CAMK2D: variants seen among roughly 807,000 people sequenced by gnomAD.
The protein encoded by CAMK2D is calcium/calmodulin-dependent protein kinase type II subunit delta.
In CAMK2D, 37 loss-of-function variants were observed where a neutral mutation model predicts 84.0. The observed-to-expected ratio is 0.44, with a 90% CI of 0.34 to 0.58. The LOEUF is 0.58. Among genes scored for constraint, CAMK2D ranks in the 20% least tolerant of loss-of-function variants. The pLI is 0.02. For synonymous variants in CAMK2D, 202 were observed against 212.5 expected, an observed-to-expected ratio of 0.95 and a Z score of 0.43; for missense variants, 448 against 652.5, an observed-to-expected ratio of 0.69 and a Z score of 3.41.
chr4:113,761,194 G>C lies in CAMK2D; in HGVS notation c.-126C>G. 1 of 1,489,224 alleles carries C rather than the reference G, an allele frequency of 6.7e-7. No individual in the cohort carries two copies. Among genetic ancestry groups the C allele is most frequent in the South Asian group, 1.1e-5 (1 of 87,762 alleles). 92.3% of individuals were successfully genotyped at this position (1,489,224 alleles called of 1,614,324 possible). On this transcript the variant is annotated 5_prime_UTR_variant, in exon 1 of 21. Transcript: ENST00000511664. ...CCGCTCTTACTTTCCTGGTCCGAAA[G>C]TAGCTCGCCCGCGAGGGAGTGTGCG...
At chr4:113,729,409 T>C (rs974765684) in intron 2 of CAMK2D, among the ~76,000 whole-genome samples, 1 of 152,176 alleles carries the variant, frequency 6.6e-6, no homozygotes, top group Non-Finnish European at 1.5e-5. Flanking sequence ...CCTCACTAAG[T>C]GAACATGAAC....
At chr4:113,474,448 G>C (rs1395916949) in intron 16 of CAMK2D, among the ~76,000 whole-genome samples, 1 of 146,782 alleles carries the variant, frequency 6.8e-6, no homozygotes, top group Non-Finnish European at 1.5e-5. Context: ...AAGAGACAAT[G>C]AGACCAATTA....
chr4:113,460,238 T>A lies in CAMK2D; in HGVS notation c.1215A>T (p.Lys405Asn). ...AAGCAGTAAGGCCTGGGTCACAGATTTTTCTGTAAAAGAAAAATAATGAAA... is the reference window on the plus strand; with the variant it reads ...AAGCAGTAAGGCCTGGGTCACAGATATTTCTGTAAAAGAAAAATAATGAAA... ...INNGDFEAYTKICDPGLTAFE... is the reference protein window; with the variant it reads ...INNGDFEAYTNICDPGLTAFE... The change falls in exon 18 of 21, where the codon AAA (lysine) becomes AAT (asparagine). Residue 405 changes from lysine to asparagine, a missense_variant. Around this residue, in one of 7 missense-constraint regions of CAMK2D, gnomAD observed 219 missense variants for 272.1 expected, o/e 0.80. Transcript: ENST00000511664. 1 of 1,574,804 alleles carries A rather than the reference T, an allele frequency of 6.3e-7. No homozygotes were observed. Among genetic ancestry groups the A allele is most frequent in the South Asian group, 1.1e-5 (1 of 87,752 alleles).
intron 4 of CAMK2D, among the ~76,000 whole-genome samples, chr4:113,606,024 C>T (rs1018445927): frequency 1.1e-4 from 17 of 151,876 alleles, no homozygotes; most frequent in East Asian, 5.8e-4. Flanking sequence ...TTATCTGATA[C>T]GGATTTTTAA....
chr4:113,542,964 C>T (rs529550317), intron 6 of CAMK2D, among the ~76,000 whole-genome samples: 2 of 152,262 alleles, frequency 1.3e-5, no homozygotes, highest in East Asian at 3.9e-4. Flanking sequence ...AGGCAGCATT[C>T]TCTGCCGAGG....
At chr4:113,455,050 A>C (rs2097289039) in intron 20 of CAMK2D, among the ~76,000 whole-genome samples, 1 of 152,220 alleles carries the variant, frequency 6.6e-6, no homozygotes. Flanking sequence ...TATTTGTTAA[A>C]AGCTCTGATA....
At chr4:113,712,941 C>T (rs865819378) in intron 2 of CAMK2D, among the ~76,000 whole-genome samples, 5 of 151,944 alleles carry the variant, frequency 3.3e-5, no homozygotes, top group Admixed American at 1.3e-4. Context: ...ATATGCAATA[C>T]TGTTTTCTGC....
intron 4 of CAMK2D, among the ~76,000 whole-genome samples, chr4:113,586,780 G>A (rs534773880): frequency 1.4e-4 from 21 of 152,114 alleles, no homozygotes; most frequent in Non-Finnish European, 2.6e-4. Context: ...TTACAGAAAA[G>A]CCTCTATCTA....
chr4:113,612,303 C>T (rs1042746908), intron 3 of CAMK2D, among the ~76,000 whole-genome samples: 1 of 152,212 alleles, frequency 6.6e-6, no homozygotes. Flanking sequence ...AAGTATCCTT[C>T]ATTTCCTATT....
chr4:113,513,780 C>T (rs767471601), intron 11 of CAMK2D, 50 bp downstream of exon 11: 1 of 834,826 alleles, frequency 1.2e-6, no homozygotes, highest in East Asian at 2.5e-5. Flanking sequence ...CAGTATTTCA[C>T]TTCTTAGTCT....
chr4:113,703,593 G>GCC lies in CAMK2D; in HGVS notation c.161-41822_161-41821insGG, dbSNP rs2099429578. On this transcript the variant is annotated intron_variant, in intron 2 of 20. Transcript: ENST00000511664. ...CAGCCTTGGCCTCCCAAAGTCTGAC[G>GCC]TGAGCCACCACGCCTGGCCAGGGAT... Among the ~76,000 whole-genome samples the GCC allele has an allele frequency of 3.9e-5, 6 of 152,326 alleles. No individual in the cohort carries two copies. The South Asian group carries it at 1.2e-3, about 32-fold the overall frequency.
At chr4:113,703,793 G>A (rs548041000) in intron 2 of CAMK2D, among the ~76,000 whole-genome samples, 1 of 152,204 alleles carries the variant, frequency 6.6e-6, no homozygotes, top group East Asian at 1.9e-4. Flanking sequence ...CACTACAACT[G>A]GATAAGAAGT....
intron 2 of CAMK2D, among the ~76,000 whole-genome samples, chr4:113,741,507 T>TAGGAAAA (rs1258474890): frequency 6.6e-6 from 1 of 152,160 alleles, no homozygotes; most frequent in African/African-American, 2.4e-5. Context: ...AAATACAGTA[T>TAGGAAAA]ATATAGTTTT....
At chr4:113,725,558 CA>C in intron 2 of CAMK2D, among the ~76,000 whole-genome samples, 1 of 152,094 alleles carries the variant, frequency 6.6e-6, no homozygotes, top group East Asian at 1.9e-4. Context: ...AAATAGTTCA[CA>C]AGTAGCTTCT....
At chr4:113,527,239 A>T (rs1046225102) in intron 8 of CAMK2D, among the ~76,000 whole-genome samples, 1 of 151,830 alleles carries the variant, frequency 6.6e-6, no homozygotes, top group Admixed American at 6.6e-5. Flanking sequence ...TCAGATGATG[A>T]TGATGATATT....
intron 1 of CAMK2D, 58 bp downstream of exon 1, chr4:113,760,946 A>AC: frequency 6.2e-7 from 1 of 1,610,032 alleles, no homozygotes; most frequent in Non-Finnish European, 8.5e-7. Context: ...GGTCGGGGGC[A>AC]ACGCGACCCG....
At chr4:113,480,206 G>A (rs1299466825) in intron 16 of CAMK2D, among the ~76,000 whole-genome samples, 3 of 151,944 alleles carry the variant, frequency 2.0e-5, no homozygotes, top group Non-Finnish European at 4.4e-5. Flanking sequence ...CAGGTAATCC[G>A]CCCGCCTCGG....
At chr4:113,673,644 A>G (rs1243254961) in intron 2 of CAMK2D, among the ~76,000 whole-genome samples, 2 of 152,242 alleles carry the variant, frequency 1.3e-5, no homozygotes, top group African/African-American at 4.8e-5. Context: ...CCAGTGACTC[A>G]GACTTGCCCA....
rs150342855 is a variant in CAMK2D, at chr4:113,684,181, C to A, written c.161-22409G>T. 9.8e-4 allele frequency among the ~76,000 whole-genome samples: 150 copies of A among 152,304 alleles called. 1 individual carries two copies. Among genetic ancestry groups the A allele is most frequent in the Non-Finnish European group, 1.8e-3 (122 of 68,030 alleles). On this transcript the variant is annotated intron_variant, in intron 2 of 20. Coordinates refer to ENST00000511664, the MANE Select transcript of CAMK2D (RefSeq NM_001321571.2). ...AATGGAACCAGAGAATGAAAGTCTA[C>A]AGGCAGGGACTTCAGTTAGAAAGCT...
Sources: allele counts gnomAD v4.1 joint callset (sites outside exome capture counted in the v4.1 genomes callset), GRCh38; gene constraint gnomAD v4.1.1; regional missense constraint gnomAD v4.1.1; transcripts MANE v1.5; gene names NCBI Gene and HGNC (gene_info 2026-07-23, HGNC 2026-07-21).